SEMA5A: variants seen among roughly 807,000 people sequenced by gnomAD.
SEMA5A encodes semaphorin 5A, also known as semaphorin-5A.
Under a neutral mutation model 135.5 loss-of-function variants are expected in SEMA5A, and 55 were observed. That is an observed-to-expected ratio of 0.41 (90% CI 0.33 to 0.51). The LOEUF (loss-of-function observed/expected upper bound fraction) is 0.51, where lower values mean the gene tolerates loss of function less well. SEMA5A is among the 20% of genes least tolerant of loss of function. SEMA5A has a pLI of 0.37. For missense variants in SEMA5A, 1,290 were observed against 1,419.9 expected (o/e 0.91, Z 1.47); for synonymous variants, 580 against 546.5 (o/e 1.06, Z -0.85).
intron 5 of SEMA5A, among the ~76,000 whole-genome samples, chr5:9,275,426 C>T (rs1750206602): frequency 6.6e-6 from 1 of 152,110 alleles, no homozygotes; most frequent in Non-Finnish European, 1.5e-5. Context: ...GGTACCATTC[C>T]TTCTAAAACT....
chr5:9,095,754 T>C (rs1213424007), intron 16 of SEMA5A, among the ~76,000 whole-genome samples: 1 of 152,194 alleles, frequency 6.6e-6, no homozygotes, highest in East Asian at 1.9e-4. Context: ...TTAAAACATA[T>C]TGTTGATATA....
intron 2 of SEMA5A, among the ~76,000 whole-genome samples, chr5:9,425,846 G>A (rs376385447): frequency 6.1e-4 from 93 of 152,268 alleles, no homozygotes; most frequent in African/African-American, 1.8e-3. Context: ...GAAAATAAAA[G>A]GGGTAAAACA....
chr5:9,102,729 C>T (rs769218703), intron 16 of SEMA5A, among the ~76,000 whole-genome samples: 5 of 151,992 alleles, frequency 3.3e-5, no homozygotes, highest in African/African-American at 4.8e-5. Flanking sequence ...AAAATTTATA[C>T]GAAAATATTT....
intron 5 of SEMA5A, among the ~76,000 whole-genome samples, chr5:9,241,581 A>G (rs1001559414): frequency 5.9e-5 from 9 of 151,594 alleles, no homozygotes; most frequent in Admixed American, 2.6e-4. Context: ...AAAAAAAAAA[A>G]AAGAAGAGGC....
At chr5:9,121,052 A>G (rs111702628) in intron 14 of SEMA5A, among the ~76,000 whole-genome samples, 189 of 152,332 alleles carry the variant, frequency 1.2e-3, no homozygotes, top group Non-Finnish European at 2.0e-3. Flanking sequence ...AGTTGAGATT[A>G]CAGGCGTGAG....
Position 9,115,204 on chromosome 5 carries a change from G to C in SEMA5A, c.1925+3794C>G, listed in dbSNP as rs573035976. Among the ~76,000 whole-genome samples, 7 of 152,144 alleles carry C rather than the reference G, an allele frequency of 4.6e-5. No homozygotes were observed. The South Asian group carries it at 6.2e-4, about 14-fold the overall frequency. On this transcript the variant is annotated intron_variant, in intron 15 of 22. Transcript: ENST00000382496. ...GGGACAGAGAAAATACACATGAAAG[G>C]CTGCTGGAAACCCTGCACATTCTAC...
At chr5:9,522,585 AT>A (rs1213284777) in intron 1 of SEMA5A, among the ~76,000 whole-genome samples, 2 of 152,216 alleles carry the variant, frequency 1.3e-5, no homozygotes, top group Non-Finnish European at 2.9e-5. Flanking sequence ...CTCAAAAAAA[AT>A]AAATAAATAA....
At chr5:9,392,374 A>T (rs1756199505) in intron 2 of SEMA5A, among the ~76,000 whole-genome samples, 1 of 152,236 alleles carries the variant, frequency 6.6e-6, no homozygotes. Flanking sequence ...TCAAAATAAC[A>T]TGTTGTACAT....
At chr5:9,334,888 A>G (rs1210918204) in intron 4 of SEMA5A, among the ~76,000 whole-genome samples, 1 of 152,180 alleles carries the variant, frequency 6.6e-6, no homozygotes, top group African/African-American at 2.4e-5. Flanking sequence ...CTATGTATTC[A>G]TGTCCACCAT....
chr5:9,092,438 G>T (rs1020535091), intron 16 of SEMA5A, among the ~76,000 whole-genome samples: 1 of 152,178 alleles, frequency 6.6e-6, no homozygotes, highest in African/African-American at 2.4e-5. Flanking sequence ...TGCCTGTGGG[G>T]ACCTGATAAG....
intron 2 of SEMA5A, among the ~76,000 whole-genome samples, chr5:9,436,329 G>A (rs1004250237): frequency 5.3e-5 from 8 of 152,202 alleles, no homozygotes; most frequent in African/African-American, 1.7e-4. Context: ...CTCCATGGGG[G>A]AGGGAACGGG....
At chr5:9,429,279 T>C (rs998402059) in intron 2 of SEMA5A, among the ~76,000 whole-genome samples, 6 of 152,284 alleles carry the variant, frequency 3.9e-5, no homozygotes, top group Admixed American at 6.5e-5. Flanking sequence ...TCCAGCTCTG[T>C]GTCCAAATTA....
intron 19 of SEMA5A, among the ~76,000 whole-genome samples, chr5:9,052,430 T>A (rs914826953): frequency 2.6e-5 from 4 of 152,150 alleles, no homozygotes; most frequent in Non-Finnish European, 4.4e-5. Flanking sequence ...GAAACTCAAA[T>A]GCTTTCCTGA....
At chr5:9,228,541 G>C (rs897189737) in intron 6 of SEMA5A, among the ~76,000 whole-genome samples, 11 of 152,206 alleles carry the variant, frequency 7.2e-5, no homozygotes, top group African/African-American at 2.2e-4. Context: ...TTTTGACTGC[G>C]TGAAGTATTG....
chr5:9,339,262 T>G (rs1753537644), intron 3 of SEMA5A, among the ~76,000 whole-genome samples: 1 of 152,166 alleles, frequency 6.6e-6, no homozygotes, highest in African/African-American at 2.4e-5. Context: ...GTTACAGGAA[T>G]TATTCTTATA....
chr5:9,309,463 G>A (rs1752022382), intron 5 of SEMA5A, among the ~76,000 whole-genome samples: 1 of 152,054 alleles, frequency 6.6e-6, no homozygotes, highest in Non-Finnish European at 1.5e-5. Flanking sequence ...ACTGAGTTAT[G>A]GCCAGTGGAA....
At chr5:9,190,862 C>G (rs1420187525) in intron 10 of SEMA5A, among the ~76,000 whole-genome samples, 1 of 152,130 alleles carries the variant, frequency 6.6e-6, no homozygotes, top group African/African-American at 2.4e-5. Flanking sequence ...ATTGAAAATG[C>G]AACAATCAAG....
At chr5:9,388,539 C>T (rs1755999774) in intron 2 of SEMA5A, among the ~76,000 whole-genome samples, 1 of 151,526 alleles carries the variant, frequency 6.6e-6, no homozygotes, top group African/African-American at 2.4e-5. Flanking sequence ...ACTACCTTGG[C>T]AATTTCTAAA....
At chr5:9,420,971 G>A (rs566809125) in intron 2 of SEMA5A, among the ~76,000 whole-genome samples, 26 of 152,320 alleles carry the variant, frequency 1.7e-4, no homozygotes, top group African/African-American at 4.6e-4. Flanking sequence ...AGTCGAGATC[G>A]CGCCACTGCA....
Sources: allele counts gnomAD v4.1 joint callset (sites outside exome capture counted in the v4.1 genomes callset), GRCh38; gene constraint gnomAD v4.1.1; transcripts MANE v1.5; gene names NCBI Gene and HGNC (gene_info 2026-07-23, HGNC 2026-07-21).